The following HPSE2 variants were observed in gnomAD, a reference collection of about 807,000 sequenced individuals.
The protein encoded by HPSE2 is heparanase 2 (inactive).
A neutral mutation model predicts 60.5 loss-of-function variants in HPSE2; 38 were observed. That is an observed-to-expected ratio of 0.63 (90% CI 0.48 to 0.82). The LOEUF (loss-of-function observed/expected upper bound fraction) is 0.82. Among genes scored for constraint, HPSE2 ranks in the 40% least tolerant of loss-of-function variants. The pLI is 0.00. For missense variants in HPSE2, 713 were observed against 740.4 expected, an observed-to-expected ratio of 0.96 and a Z score of 0.43; for synonymous variants, 295 against 293.2, an observed-to-expected ratio of 1.01 and a Z score of -0.06.
chr10:99,272,359 C>T, the HPSE2 span, among the ~76,000 whole-genome samples: 1 of 151,848 alleles, frequency 6.6e-6, no homozygotes, highest in Non-Finnish European at 1.5e-5. Flanking sequence ...CCCTTCTAGA[C>T]ATTGGCTTTG....
chr10:99,026,516 A>C (rs1305970274), intron 3 of HPSE2, among the ~76,000 whole-genome samples: 1 of 152,154 alleles, frequency 6.6e-6, no homozygotes, highest in Non-Finnish European at 1.5e-5. Context: ...TCCTCAATAC[A>C]ATAATAGCTG....
At chr10:99,067,218 AGGCT>A (rs1353296346) in intron 3 of HPSE2, among the ~76,000 whole-genome samples, 2 of 152,146 alleles carry the variant, frequency 1.3e-5, no homozygotes, top group Admixed American at 1.3e-4. Flanking sequence ...CTACTTTCAC[AGGCT>A]GGCGCTGAGT....
intron 3 of HPSE2, among the ~76,000 whole-genome samples, chr10:98,871,947 T>C (rs922662669): frequency 6.6e-6 from 1 of 152,136 alleles, no homozygotes; most frequent in African/African-American, 2.4e-5. Context: ...AAAAAATAAA[T>C]TGATTTTGGC....
At chr10:99,003,539 G>C (rs183695752) in intron 3 of HPSE2, among the ~76,000 whole-genome samples, 1 of 152,232 alleles carries the variant, frequency 6.6e-6, no homozygotes, top group Non-Finnish European at 1.5e-5. Context: ...AATTCTAATA[G>C]GTGTGAGGAG....
chr10:99,201,602 C>T (rs1196342572), intron 2 of HPSE2, among the ~76,000 whole-genome samples: 1 of 152,114 alleles, frequency 6.6e-6, no homozygotes, highest in African/African-American at 2.4e-5. Flanking sequence ...AGTTCCTAAA[C>T]TACATTAGTA....
intron 3 of HPSE2, among the ~76,000 whole-genome samples, chr10:98,921,742 G>A (rs1181837884): frequency 6.6e-6 from 1 of 152,202 alleles, no homozygotes; most frequent in Non-Finnish European, 1.5e-5. Flanking sequence ...AGTGCTCCAT[G>A]AGGACATTTT....
Position 98,936,294 on chromosome 10 carries a change from C to A in HPSE2, c.611-192238G>T, listed in dbSNP as rs1158164895. ...CACTTGGCTCCCTGGCTTCATCCCC[C>A]TTTCCACAGGAGTGGACTGTTCTCC... On this transcript the variant is annotated intron_variant, in intron 3 of 11. Coordinates refer to ENST00000370552, the MANE Select transcript of HPSE2 (RefSeq NM_021828.5). Among the ~76,000 whole-genome samples, 20 of 144,044 alleles carry A rather than the reference C, an allele frequency of 1.4e-4. 2 individuals carry two copies. The highest frequency in any genetic ancestry group is 2.1e-4 in the Non-Finnish European group (14 of 67,146). The allele number at this position is 144,044 out of a possible 152,430, so 94.5% of individuals were successfully genotyped here.
At chr10:98,464,867 G>T (rs145737436) in intron 11 of HPSE2, among the ~76,000 whole-genome samples, 1 of 152,248 alleles carries the variant, frequency 6.6e-6, no homozygotes, top group African/African-American at 2.4e-5. Flanking sequence ...AATTATCACT[G>T]ATTCTCTCAG....
chr10:98,598,576 G>C (rs1589480268), intron 9 of HPSE2, among the ~76,000 whole-genome samples: 1 of 152,158 alleles, frequency 6.6e-6, no homozygotes, highest in East Asian at 1.9e-4. Context: ...TGGGTCCACA[G>C]CGTTGTGACT....
chr10:98,865,518 G>C (rs1952566092), intron 3 of HPSE2, among the ~76,000 whole-genome samples: 1 of 152,018 alleles, frequency 6.6e-6, no homozygotes, highest in South Asian at 2.1e-4. Context: ...ATGAAAAGGA[G>C]CTTAGTAAGC....
At position 99,235,743 on chromosome 10, in the gene HPSE2, C is replaced by G. The variant is rs755456295; in HGVS notation, c.60G>C (p.Ala20=). Residue 20 remains alanine (A), a synonymous_variant, in exon 1 of 12, where the codon GCG becomes GCC. Coordinates refer to ENST00000370552, the MANE Select transcript of HPSE2 (RefSeq NM_021828.5). ...AMPSSNSRPP[A]CLAPGALYLA... ...AGTAGAGAGCCCCCGGGGCTAGGCA[C>G]GCGGGGGGGCGGGAGTTGCTGGAGG... The G allele has an allele frequency of 2.5e-6, 4 of 1,613,792 alleles. No homozygotes were observed. Among genetic ancestry groups the G allele is most frequent in the South Asian group, 1.1e-5 (1 of 91,068 alleles).
chr10:98,716,292 CA>C (rs1001627344), intron 5 of HPSE2, among the ~76,000 whole-genome samples: 3 of 151,902 alleles, frequency 2.0e-5, no homozygotes, highest in African/African-American at 7.2e-5. Context: ...AAGTCATCCA[CA>C]AGGGCTAGAG....
At chr10:98,698,479 A>G (rs902424529) in intron 5 of HPSE2, among the ~76,000 whole-genome samples, 4 of 152,134 alleles carry the variant, frequency 2.6e-5, no homozygotes, top group Admixed American at 6.5e-5. Flanking sequence ...TCTCTGGGAC[A>G]CATTCAAAGC....
chr10:98,701,051 A>G (rs1412609404), intron 5 of HPSE2, among the ~76,000 whole-genome samples: 1 of 65,032 alleles, frequency 1.5e-5, no homozygotes, highest in African/African-American at 3.4e-5. Context: ...GGGACTGTCA[A>G]CTAGTTCAAC....
At chr10:98,810,836 G>A (rs1951154335) in intron 3 of HPSE2, among the ~76,000 whole-genome samples, 1 of 152,110 alleles carries the variant, frequency 6.6e-6, no homozygotes, top group African/African-American at 2.4e-5. Flanking sequence ...TTTGTGTTGT[G>A]TCACATTCAA....
At chr10:98,461,733 CA>C in intron 11 of HPSE2, 2 of 1,527,352 alleles carry the variant, frequency 1.3e-6, no homozygotes, top group South Asian at 2.4e-5. Context: ...CTCCCATATA[CA>C]GAATTAGGTG....
chr10:98,632,166 G>C (rs1946381702), intron 7 of HPSE2, among the ~76,000 whole-genome samples: 1 of 152,116 alleles, frequency 6.6e-6, no homozygotes, highest in Non-Finnish European at 1.5e-5. Context: ...TACTTAAAAA[G>C]CTCTGTTGGC....
chr10:99,181,977 GAGC>G (rs571179113), intron 2 of HPSE2, among the ~76,000 whole-genome samples: 1 of 152,248 alleles, frequency 6.6e-6, no homozygotes, highest in East Asian at 1.9e-4. Flanking sequence ...TGAAAAGGCA[GAGC>G]CATCTGCAAG....
At chr10:98,609,783 A>C (rs1945696653) in intron 9 of HPSE2, among the ~76,000 whole-genome samples, 1 of 149,644 alleles carries the variant, frequency 6.7e-6, no homozygotes, top group Non-Finnish European at 1.5e-5. Flanking sequence ...CCATAGTTCC[A>C]GGCTCCTGCT....
Sources: gnomAD v4.1 joint callset for allele counts (sites outside exome capture counted in the v4.1 genomes callset) on GRCh38, gnomAD v4.1.1 for gene constraint, MANE v1.5 for transcripts, NCBI Gene and HGNC (gene_info 2026-07-23, HGNC 2026-07-21) for gene names.